MMP27: variants seen among roughly 807,000 people sequenced by gnomAD.
The protein encoded by MMP27 is matrix metalloproteinase-27.
Under a neutral mutation model 48.1 loss-of-function variants are expected in MMP27, and 51 were observed. That is an observed-to-expected ratio of 1.06 (90% CI 0.85 to 1.34). MMP27 has a LOEUF of 1.34. Among genes scored for constraint, MMP27 ranks in the 40% most tolerant of loss-of-function variants. The pLI is 0.00. For synonymous variants in MMP27, 229 were observed against 208.9 expected (o/e 1.10, Z -0.83); for missense variants, 698 against 619.3 (o/e 1.13, Z -1.35).
At chr11:102,699,044 C>A (rs1860887449) in intron 4 of MMP27, among the ~76,000 whole-genome samples, 1 of 152,114 alleles carries the variant, frequency 6.6e-6, no homozygotes, top group African/African-American at 2.4e-5. Flanking sequence ...TTGTCTAATG[C>A]AAAAATGGTT....
In MMP27 at chr11:102,691,744, G is replaced by C; in HGVS notation, c.*22C>G. On this transcript the variant is annotated 3_prime_UTR_variant, in exon 10 of 10. Coordinates refer to ENST00000260229, the MANE Select transcript of MMP27 (RefSeq NM_022122.3). ...GAATTTATATTAAAAGACCTGTTGA[G>C]GTTTATTTTAGGTCTATGAATTTAT... is the stretch of plus-strand genomic sequence containing the variant. 6.5e-7 allele frequency: 1 copy of C among 1,527,296 alleles called. No individual in the cohort carries two copies. Among genetic ancestry groups the C allele is most frequent in the Non-Finnish European group, 8.9e-7 (1 of 1,127,408 alleles). The allele number at this position is 1,527,296 out of a possible 1,614,324, so 94.6% of individuals were successfully genotyped here. A position where few individuals can be genotyped will look rare whatever the true frequency, so the allele number is the denominator to read the frequency against.
At chr11:102,695,807 T>G (rs903089350) in intron 6 of MMP27, among the ~76,000 whole-genome samples, 6 of 152,222 alleles carry the variant, frequency 3.9e-5, no homozygotes, top group African/African-American at 1.4e-4. Context: ...TGCTGTAACT[T>G]AAGTTCAATA....
chr11:102,702,196 G>T (rs1023027825), intron 4 of MMP27, among the ~76,000 whole-genome samples: 4 of 152,206 alleles, frequency 2.6e-5, no homozygotes, highest in Non-Finnish European at 5.9e-5. Flanking sequence ...AAGGATTAAG[G>T]TCTGATTCCT....
At chr11:102,704,077 A>T (rs1173502055) in intron 2 of MMP27, among the ~76,000 whole-genome samples, 1 of 151,918 alleles carries the variant, frequency 6.6e-6, no homozygotes, top group African/African-American at 2.4e-5. Flanking sequence ...TGAGGGAAAC[A>T]CCCTACTTTG....
intron 8 of MMP27, 49 bp from the exon 9 acceptor site, chr11:102,693,090 G>C: frequency 6.8e-7 from 1 of 1,478,670 alleles, no homozygotes; most frequent in Non-Finnish European, 9.4e-7. Context: ...GGTTTGGGGA[G>C]CTTAATTTGT....
At chr11:102,700,068 A>G (rs1860909890) in intron 4 of MMP27, among the ~76,000 whole-genome samples, 1 of 152,150 alleles carries the variant, frequency 6.6e-6, no homozygotes, top group South Asian at 2.1e-4. Flanking sequence ...GTTGCCATTT[A>G]ATTGTCTATG....
intron 1 of MMP27, 111 bp from the exon 2 acceptor site, chr11:102,704,886 G>GA (rs1214842765): frequency 7.0e-4 from 434 of 624,274 alleles, no homozygotes; most frequent in Non-Finnish European, 9.4e-4. Context: ...ATAGGAAAGG[G>GA]GAAAAAAAAG....
At chr11:102,703,535 T>G (rs555563346) in intron 2 of MMP27, among the ~76,000 whole-genome samples, 2 of 152,268 alleles carry the variant, frequency 1.3e-5, no homozygotes, top group East Asian at 3.9e-4. Context: ...GAACTTTTTT[T>G]TTTTTGAGAC....
chr11:102,696,794 C>G lies in MMP27; in HGVS notation c.661G>C (p.Ala221Pro). The G allele has an allele frequency of 6.2e-7, 1 of 1,612,536 alleles. No homozygotes were observed. Among genetic ancestry groups the G allele is most frequent in the East Asian group, 2.2e-5 (1 of 44,832 alleles). The stretch of plus-strand genomic sequence containing the variant: ...TCATTGGAGTGAGAGAGCCCCAGTG[C>G]ATGACCAAATTCATGAGCAGCCACA... Reference protein sequence around the residue: ...FLVAAHEFGHALGLSHSNDQT... With the variant: ...FLVAAHEFGHPLGLSHSNDQT... The change falls in exon 5 of 10, where the codon GCA (alanine) becomes CCA (proline). Residue 221 changes from alanine to proline, a missense_variant. By Grantham distance (27) the Ala-to-Pro change is conservative. Coordinates refer to ENST00000260229, the MANE Select transcript of MMP27 (RefSeq NM_022122.3).
chr11:102,700,255 T>C (rs192144209), intron 4 of MMP27, among the ~76,000 whole-genome samples: 8 of 152,380 alleles, frequency 5.3e-5, no homozygotes, highest in Admixed American at 6.5e-5. Flanking sequence ...TTATTGGCCA[T>C]ATGACGCTGT....
At chr11:102,696,892 C>T in intron 4 of MMP27, 57 bp from the exon 5 acceptor site, 1 of 1,549,030 alleles carries the variant, frequency 6.5e-7, no homozygotes, top group East Asian at 2.3e-5. Context: ...AGAATGGCTG[C>T]ATCTGAGATT....
chr11:102,698,179 T>C (rs1013503793), intron 4 of MMP27, among the ~76,000 whole-genome samples: 1 of 152,210 alleles, frequency 6.6e-6, no homozygotes, highest in Non-Finnish European at 1.5e-5. Context: ...AAGTATTATG[T>C]ACTTCACACA....
chr11:102,701,107 A>G (rs564685534), intron 4 of MMP27, among the ~76,000 whole-genome samples: 1 of 152,314 alleles, frequency 6.6e-6, no homozygotes, highest in Non-Finnish European at 1.5e-5. Flanking sequence ...AATGTCAGTG[A>G]ACTAAGAGTT....
chr11:102,693,146 G>T, intron 8 of MMP27, 105 bp from the exon 9 acceptor site: 1 of 723,102 alleles, frequency 1.4e-6, no homozygotes, highest in Non-Finnish European at 2.4e-6. Context: ...GAATACATAG[G>T]CATAGTAGAG....
rs530109908 is a variant in MMP27 at position 102,691,561 on chromosome 11, C to G, written c.*205G>C. 2.2e-6 allele frequency: 1 copy of G among 464,440 alleles called. No homozygotes were observed. Among genetic ancestry groups the G allele is most frequent in the Non-Finnish European group, 3.8e-6 (1 of 262,948 alleles). 28.8% of individuals were successfully genotyped at this position (464,440 alleles called of 1,614,324 possible). The stretch of plus-strand genomic sequence containing the variant: ...ACATGTCTTCTCCAAGTCCACAAAG[C>G]ATGAAATAGGCTTAAAGTACAGTCA... On this transcript the variant is annotated 3_prime_UTR_variant, in exon 10 of 10. Coordinates refer to ENST00000260229, the MANE Select transcript of MMP27 (RefSeq NM_022122.3).
intron 4 of MMP27, among the ~76,000 whole-genome samples, chr11:102,699,239 G>C (rs989701944): frequency 2.0e-5 from 3 of 152,020 alleles, no homozygotes; most frequent in Non-Finnish European, 4.4e-5. Flanking sequence ...GACCAAGGTG[G>C]GTGGATATCT....
Position 102,694,967 on chromosome 11 carries a change from C to T in MMP27, c.1033G>A (p.Asp345Asn). The T allele has an allele frequency of 6.2e-7, 1 of 1,613,732 alleles. No homozygotes were observed. ...GAGGAATCGGGATGGGCCAGGTTAC[C>T]TTTAAAAACCAGAATCTTATCTCTG... is the stretch of plus-strand genomic sequence containing the variant. The part of the protein sequence containing the change: ...NPRDKILVFK[D>N]ENFWMIRGYA... The change falls in exon 7 of 10, where the codon GAT becomes AAT. Residue 345 changes from aspartate to asparagine, a missense_variant and splice_region_variant. By Grantham distance (23) the Asp-to-Asn change is conservative (BLOSUM62 1). Transcript: ENST00000260229.
intron 4 of MMP27, among the ~76,000 whole-genome samples, chr11:102,699,793 C>G (rs140012660): frequency 6.6e-6 from 1 of 152,210 alleles, no homozygotes; most frequent in Non-Finnish European, 1.5e-5. Context: ...GCTTTCAAGA[C>G]CCTCTGTAAT....
chr11:102,701,010 T>C (rs1270313119), intron 4 of MMP27, among the ~76,000 whole-genome samples: 1 of 152,250 alleles, frequency 6.6e-6, no homozygotes, highest in Non-Finnish European at 1.5e-5. Flanking sequence ...GAATTGCCTA[T>C]TTTTTAAAAA....
Sources: allele counts gnomAD v4.1 joint callset (sites outside exome capture counted in the v4.1 genomes callset), GRCh38; gene constraint gnomAD v4.1.1; transcripts MANE v1.5; gene names NCBI Gene and HGNC (gene_info 2026-07-23, HGNC 2026-07-21).